Variants in PCDHGA12 observed in about 807,000 individuals in gnomAD.
The protein encoded by PCDHGA12 is protocadherin gamma subfamily A, 12.
PCDHGA12 carries 43 observed loss-of-function variants against 61.1 expected under a neutral mutation model. The ratio of observed to expected loss-of-function variants is 0.70; its 90% CI spans 0.55 to 0.91. PCDHGA12 has a LOEUF of 0.91. PCDHGA12 is among the 40% of genes least tolerant of loss of function. PCDHGA12 has a pLI of 0.00. For missense variants in PCDHGA12, 1,236 were observed against 1,227.7 expected (o/e 1.01, Z -0.10); for synonymous variants, 520 against 542.9 (o/e 0.96, Z 0.59).
rs768135284 is a variant in PCDHGA12, at chr5:141,489,277, T to C, written c.2425-5530T>C. ...GACACTCCCACAGCTCGCTGGGAAA[T>C]GGCAAGTGCTGTGCATGTTGTCCTT... On this transcript the variant is annotated intron_variant, in intron 1 of 3. Transcript: ENST00000252085. This position sits in a 1 kb window ranked among gnomAD's most constrained non-coding sequence, Gnocchi z 4.5. 7.1e-6 allele frequency: 11 copies of C among 1,556,078 alleles called. No individual in the cohort carries two copies. Among genetic ancestry groups the C allele is most frequent in the South Asian group, 3.7e-5 (3 of 80,348 alleles).
Position 141,485,549 on chromosome 5 carries a change from G to A in PCDHGA12, c.2425-9258G>A. 6.2e-7 allele frequency: 1 copy of A among 1,614,030 alleles called. No homozygotes were observed. The highest frequency in any genetic ancestry group is 1.1e-5 in the South Asian group (1 of 91,068). On this transcript the variant is annotated intron_variant, in intron 1 of 3. Transcript: ENST00000252085. The surrounding 1 kb of genome is among the most constrained non-coding windows in gnomAD (Gnocchi z 5.7). ...CCGAGCAGAGGTAGAGATCGTAGATGTGAATGATCACGCCCCCCGTTTTCC... is the reference window on the plus strand; with the variant it reads ...CCGAGCAGAGGTAGAGATCGTAGATATGAATGATCACGCCCCCCGTTTTCC...
rs143317584 is a variant in PCDHGA12 at position 141,432,282 on chromosome 5, A to G, written c.1523A>G (p.Asn508Ser). 5.0e-5 allele frequency: 81 copies of G among 1,613,850 alleles called. No homozygotes were observed. The African/African-American group carries it at 6.4e-4, about 13-fold the overall frequency. ...AGCCTATCGTCCTACGTGTCCATCAACTCCGACACTGGGGTACTGTATGCG... is the reference window on the plus strand; with the variant it reads ...AGCCTATCGTCCTACGTGTCCATCAGCTCCGACACTGGGGTACTGTATGCG... ...GASLSSYVSI[N>S]SDTGVLYALS... is the part of the protein sequence containing the mutation. The change falls in exon 1 of 4, where the codon AAC (asparagine) becomes AGC (serine). Residue 508 changes from asparagine to serine, a missense_variant. Physicochemically the swap from Asn to Ser is conservative, Grantham distance 46 (BLOSUM62 1). Transcript: ENST00000252085. This position sits in a 1 kb window ranked among gnomAD's most constrained non-coding sequence, Gnocchi z 6.0.
At chr5:141,510,132 G>A (rs920772998) in intron 3 of PCDHGA12, among the ~76,000 whole-genome samples, 2 of 152,120 alleles carry the variant, frequency 1.3e-5, no homozygotes, top group African/African-American at 4.8e-5. Context: ...AAATTAGCTG[G>A]GCTAGTGGTG....
Position 141,485,298 on chromosome 5 carries a change from G to A in PCDHGA12, c.2425-9509G>A, listed in dbSNP as rs1562104502. 1 of 1,613,978 alleles carries A rather than the reference G, an allele frequency of 6.2e-7. No individual in the cohort carries two copies. On this transcript the variant is annotated intron_variant, in intron 1 of 3. Coordinates refer to ENST00000252085, the MANE Select transcript of PCDHGA12 (RefSeq NM_003735.3). This position sits in a 1 kb window ranked among gnomAD's most constrained non-coding sequence, Gnocchi z 5.7. ...CCGGTCCCAGAGGAGTCACAGGAAG[G>A]GACTTTTGTAGGGAATGTCGCTCAA...
At chr5:141,495,400 C>T (rs554849650) in intron 2 of PCDHGA12, among the ~76,000 whole-genome samples, 4 of 152,278 alleles carry the variant, frequency 2.6e-5, no homozygotes, top group Non-Finnish European at 1.5e-5. Flanking sequence ...ATGGAGCAGG[C>T]CCCCTTCTCC....
At chr5:141,474,461 CTT>C (rs1264129273) in intron 1 of PCDHGA12, among the ~76,000 whole-genome samples, 1 of 152,214 alleles carries the variant, frequency 6.6e-6, no homozygotes, top group East Asian at 1.9e-4. Context: ...GGGCTATACT[CTT>C]TATTCTAAAT....
chr5:141,506,444 CAAAAAA>C (rs1219684339), intron 3 of PCDHGA12, among the ~76,000 whole-genome samples: 1 of 95,026 alleles, frequency 1.1e-5, no homozygotes, highest in African/African-American at 4.0e-5. Flanking sequence ...CGCTCTGTCT[CAAAAAA>C]AAAAAAAAAA....
At chr5:141,465,840 A>G (rs1212861707) in intron 1 of PCDHGA12, among the ~76,000 whole-genome samples, 1 of 151,734 alleles carries the variant, frequency 6.6e-6, no homozygotes, top group Non-Finnish European at 1.5e-5. Context: ...ATTTCAACTG[A>G]GGCTGGGCCC....
Position 141,507,461 on chromosome 5 carries a change from G to A in PCDHGA12, c.2572+1980G>A, listed in dbSNP as rs145114393. On this transcript the variant is annotated intron_variant, in intron 3 of 3. Coordinates refer to ENST00000252085, the MANE Select transcript of PCDHGA12 (RefSeq NM_003735.3). ...AGCTGACGGAAGGACAGAGAGAGAG[G>A]TGGCAGGGACTGCTGGCCTCCTGAG... Among the ~76,000 whole-genome samples the A allele has an allele frequency of 3.8e-3, 581 of 152,330 alleles. 5 individuals are homozygous for A. Among genetic ancestry groups the A allele is most frequent in the African/African-American group, 0.012 (485 of 41,570 alleles).
chr5:141,505,402 T>G lies in PCDHGA12; in HGVS notation c.2493T>G (p.Asn831Lys), dbSNP rs1216666169. 1.9e-6 allele frequency: 3 copies of G among 1,614,014 alleles called. No homozygotes were observed. Among genetic ancestry groups the G allele is most frequent in the Non-Finnish European group, 2.5e-6 (3 of 1,180,034 alleles). Residue 831 changes from asparagine (N) to lysine (K), a missense_variant, in exon 3 of 4, where the codon AAT (asparagine) becomes AAG (lysine). Coordinates refer to ENST00000252085, the MANE Select transcript of PCDHGA12 (RefSeq NM_003735.3). The part of the protein sequence containing the change: ...AQRPGTSGSQ[N>K]GDDTGTWPNN... ...CCTACTCTCTCCCCAGCTCCCAAAA[T>G]GGCGATGACACCGGCACCTGGCCCA...
chr5:141,459,574 T>G (rs1163443021), intron 1 of PCDHGA12, among the ~76,000 whole-genome samples: 6 of 152,226 alleles, frequency 3.9e-5, no homozygotes, highest in African/African-American at 1.4e-4. Flanking sequence ...AAAACAGAAT[T>G]GTTTTGGGGG....
At chr5:141,433,837 C>CAAAA (rs56191208) in intron 1 of PCDHGA12, among the ~76,000 whole-genome samples, 6 of 111,700 alleles carry the variant, frequency 5.4e-5, no homozygotes, top group African/African-American at 1.9e-4. Flanking sequence ...AACTCTATCT[C>CAAAA]AAAAAAAAAA....
chr5:141,482,000 G>A (rs1421859839), intron 1 of PCDHGA12, among the ~76,000 whole-genome samples: 8 of 150,854 alleles, frequency 5.3e-5, no homozygotes, highest in East Asian at 1.9e-4. Flanking sequence ...CAGGAGAATC[G>A]CTTTATCTCA....
chr5:141,454,575 T>G (rs1430018751), intron 1 of PCDHGA12, among the ~76,000 whole-genome samples: 1 of 151,400 alleles, frequency 6.6e-6, no homozygotes, highest in African/African-American at 2.4e-5. Context: ...CCCGGCTAAT[T>G]TTGTATTTTT....
In PCDHGA12 at chr5:141,476,714, C is replaced by G. The variant is rs146188020; in HGVS notation, c.2425-18093C>G. 3.1e-6 allele frequency: 5 copies of G among 1,614,036 alleles called. No individual in the cohort carries two copies. Among genetic ancestry groups the G allele is most frequent in the African/African-American group, 2.7e-5 (2 of 74,938 alleles). ...CAAGTACGCGGAGCTGGTGTTGGAGCGCGCCCTGGACCGAGAACGGGAGCC... is the reference window on the plus strand; with the variant it reads ...CAAGTACGCGGAGCTGGTGTTGGAGGGCGCCCTGGACCGAGAACGGGAGCC... On this transcript the variant is annotated intron_variant, in intron 1 of 3. Transcript: ENST00000252085. This position sits in a 1 kb window ranked among gnomAD's most constrained non-coding sequence, Gnocchi z 7.6.
chr5:141,448,966 A>G (rs981772425), intron 1 of PCDHGA12, among the ~76,000 whole-genome samples: 5 of 152,118 alleles, frequency 3.3e-5, no homozygotes, highest in Non-Finnish European at 7.4e-5. Context: ...CAAACAAACA[A>G]AAAAGAACTT....
chr5:141,489,206 C>A lies in PCDHGA12; in HGVS notation c.2425-5601C>A. On this transcript the variant is annotated intron_variant, in intron 1 of 3. Transcript: ENST00000252085. This position sits in a 1 kb window ranked among gnomAD's most constrained non-coding sequence, Gnocchi z 4.5. ...TGGGTCTACCTTGGAGACAGGACAG[C>A]ACAGACTTACTCTCCACAAAGGGAC... 2 of 1,439,024 alleles carry A rather than the reference C, an allele frequency of 1.4e-6. No individual in the cohort carries two copies. Among genetic ancestry groups the A allele is most frequent in the Non-Finnish European group, 1.9e-6 (2 of 1,060,928 alleles). 89.1% of individuals were successfully genotyped at this position (1,439,024 alleles called of 1,614,324 possible). A position where few individuals can be genotyped will look rare whatever the true frequency, so the allele number is the denominator to read the frequency against.
At position 141,511,241 on chromosome 5, in the gene PCDHGA12, C is replaced by T; in HGVS notation, c.*68C>T. On this transcript the variant is annotated 3_prime_UTR_variant, in exon 4 of 4. Transcript: ENST00000252085. ...CCAGCCCAGCTTCTCCTTACCTGCA[C>T]CCAGGCCTCAGAGTTTCAGGGCTAA... The T allele has an allele frequency of 2.5e-6, 4 of 1,585,214 alleles. No individual in the cohort carries two copies. Among genetic ancestry groups the T allele is most frequent in the Non-Finnish European group, 3.4e-6 (4 of 1,165,762 alleles).
rs1182148013 is a variant in PCDHGA12, at chr5:141,431,510, G to C, written c.751G>C (p.Val251Leu). Residue 251 changes from valine to leucine, a missense_variant, in exon 1 of 4, where the codon GTT becomes CTT. By Grantham distance (32) the Val-to-Leu change is conservative (BLOSUM62 1). Transcript: ENST00000252085. This position sits in a 1 kb window ranked among gnomAD's most constrained non-coding sequence, Gnocchi z 4.8. ...TGCTCAGCCCGAGTACCGCGCGAGC[G>C]TTCCGGAGAATCTGGCCTTGGGCAC... The part of the protein sequence containing the change: ...AFAQPEYRAS[V>L]PENLALGTQL... 6.2e-7 allele frequency: 1 copy of C among 1,614,022 alleles called. No homozygotes were observed. The highest frequency in any genetic ancestry group is 8.5e-7 in the Non-Finnish European group (1 of 1,180,026).
Sources: allele counts gnomAD v4.1 joint callset (sites outside exome capture counted in the v4.1 genomes callset), GRCh38; gene constraint gnomAD v4.1.1; non-coding constraint Gnocchi (gnomAD v3.1); transcripts MANE v1.5; gene names NCBI Gene and HGNC (gene_info 2026-07-23, HGNC 2026-07-21).